RPF2: variants seen among roughly 807,000 people sequenced by gnomAD.
RPF2 encodes brix domain containing 1.
A neutral mutation model predicts 38.9 loss-of-function variants in RPF2; 21 were observed. That is an observed-to-expected ratio of 0.54 (90% CI 0.38 to 0.78). The LOEUF is 0.78. Ranked by LOEUF, RPF2 falls within the 30% of genes least tolerant of loss-of-function variation. The pLI, the probability that RPF2 is intolerant of heterozygous loss-of-function variation, is 0.00. For synonymous variants in RPF2, 121 were observed against 126.2 expected, an observed-to-expected ratio of 0.96 and a Z score of 0.28; for missense variants, 314 against 358.1, an observed-to-expected ratio of 0.88 and a Z score of 0.99.
chr6:111,022,370 C>T (rs1440687490), intron 8 of RPF2, among the ~76,000 whole-genome samples: 1 of 152,194 alleles, frequency 6.6e-6, no homozygotes, highest in Non-Finnish European at 1.5e-5. Context: ...TATCTACCAG[C>T]TTGAGCCCAT....
At chr6:111,016,727 G>A (rs1457533650) in intron 8 of RPF2, among the ~76,000 whole-genome samples, 6 of 123,660 alleles carry the variant, frequency 4.9e-5, no homozygotes, top group African/African-American at 1.3e-4. Flanking sequence ...GGTGTTTCTC[G>A]CAGAGGGGGA....
intron 5 of RPF2, among the ~76,000 whole-genome samples, chr6:110,998,574 G>A (rs1771759111): frequency 6.6e-6 from 1 of 152,080 alleles, no homozygotes; most frequent in Non-Finnish European, 1.5e-5. Flanking sequence ...CACCAAACTA[G>A]TTTACAGCTT....
chr6:110,982,477 C>A (rs527590216), intron 1 of RPF2: 13 of 330,314 alleles, frequency 3.9e-5, no homozygotes, highest in Admixed American at 3.8e-4. Context: ...CAGTCTGGCG[C>A]GTCCACTTAA....
intron 8 of RPF2, among the ~76,000 whole-genome samples, chr6:111,016,936 C>T (rs971422538): frequency 6.6e-6 from 1 of 151,924 alleles, no homozygotes; most frequent in African/African-American, 2.4e-5. Context: ...ACATCTTGCA[C>T]CGCCCTTAAT....
chr6:111,016,003 T>C (rs1372088354), intron 8 of RPF2, 147 bp downstream of exon 8: 2 of 637,604 alleles, frequency 3.1e-6, no homozygotes, highest in Admixed American at 2.6e-5. Context: ...AGCAGCTCTG[T>C]GCTGATCCTC....
chr6:110,994,237 T>C (rs1053344368), intron 4 of RPF2, among the ~76,000 whole-genome samples: 1 of 151,152 alleles, frequency 6.6e-6, no homozygotes, highest in South Asian at 2.1e-4. Context: ...ATTGTGGCAT[T>C]GCACTCCAGC....
At chr6:110,982,213 C>A in intron 1 of RPF2, 84 bp downstream of exon 1, 1 of 1,471,758 alleles carries the variant, frequency 6.8e-7, no homozygotes, top group Non-Finnish European at 9.5e-7. Context: ...GCCTCTCACT[C>A]TTCCTGGTTA....
chr6:111,013,537 A>G (rs753790754), intron 7 of RPF2, among the ~76,000 whole-genome samples: 3 of 152,242 alleles, frequency 2.0e-5, no homozygotes, highest in South Asian at 4.1e-4. Context: ...AAATCCTTTT[A>G]TATTCATAGT....
intron 4 of RPF2, among the ~76,000 whole-genome samples, chr6:110,996,346 T>C (rs1771710995): frequency 6.6e-6 from 1 of 151,878 alleles, no homozygotes; most frequent in African/African-American, 2.4e-5. Flanking sequence ...GCCTGGCTAA[T>C]TTTTTTATTT....
chr6:110,986,229 C>T (rs180835670), intron 2 of RPF2, among the ~76,000 whole-genome samples: 4 of 152,246 alleles, frequency 2.6e-5, no homozygotes, highest in East Asian at 1.9e-4. Flanking sequence ...CTGAAAGCTC[C>T]GTGTAATCAT....
chr6:110,994,270 C>T (rs1488795046), intron 4 of RPF2, among the ~76,000 whole-genome samples: 1 of 138,964 alleles, frequency 7.2e-6, no homozygotes, highest in Non-Finnish European at 1.5e-5. Flanking sequence ...AGTGAAACTC[C>T]ATCTCAATAA....
At chr6:110,992,514 G>C (rs1034773280) in intron 4 of RPF2, among the ~76,000 whole-genome samples, 1 of 150,218 alleles carries the variant, frequency 6.7e-6, no homozygotes, top group Non-Finnish European at 1.5e-5. Context: ...CTGAGCTCAA[G>C]CAATCCTCCT....
chr6:110,999,278 AT>A (rs1771772631), intron 5 of RPF2, among the ~76,000 whole-genome samples: 1 of 152,022 alleles, frequency 6.6e-6, no homozygotes, highest in African/African-American at 2.4e-5. Flanking sequence ...AGTTGTAGAT[AT>A]TTTTTTCATA....
In RPF2 at chr6:111,025,909, C is replaced by G. The variant is rs1312695432; in HGVS notation, c.*327C>G. On this transcript the variant is annotated 3_prime_UTR_variant, in exon 10 of 10. Transcript: ENST00000441448. ...AATTTCTGGCCTTAGCTAAAGAAAG[C>G]CACAGAAAGCCGGACCCGCAGGAGC... is the stretch of plus-strand genomic sequence containing the variant. The G allele has an allele frequency of 6.0e-6, 1 of 166,874 alleles. No individual in the cohort carries two copies. Among genetic ancestry groups the G allele is most frequent in the Non-Finnish European group, 1.3e-5 (1 of 77,576 alleles). The allele number at this position is 166,874 out of a possible 1,614,324, so 10.3% of individuals were successfully genotyped here. A position where few individuals can be genotyped will look rare whatever the true frequency, so the allele number is the denominator to read the frequency against.
intron 7 of RPF2, among the ~76,000 whole-genome samples, chr6:111,011,296 CTTTCTTTCTTTCTTTT>C (rs1444217628): frequency 7.0e-6 from 1 of 143,004 alleles, no homozygotes; most frequent in Non-Finnish European, 1.5e-5. Context: ...TTCTTTCTTT[CTTTCTTTCTTTCTTTT>C]TTTTTTTGAG....
chr6:110,987,381 C>T (rs1771542075), intron 2 of RPF2, among the ~76,000 whole-genome samples: 1 of 152,094 alleles, frequency 6.6e-6, no homozygotes, highest in South Asian at 2.1e-4. Flanking sequence ...TAAACTTGAC[C>T]AAACTCTATG....
chr6:110,995,492 A>G lies in RPF2; in HGVS notation c.235-1691A>G, dbSNP rs9386975. On this transcript the variant is annotated intron_variant, in intron 4 of 9. Transcript: ENST00000441448. Reference sequence around the variant, plus strand: ...TGTTTAGAGGCTAGAATGAATGATAACCAAACTAGGGGCCCATACCTTGGA... The same window carrying G: ...TGTTTAGAGGCTAGAATGAATGATAGCCAAACTAGGGGCCCATACCTTGGA... Among the ~76,000 whole-genome samples the G allele has an allele frequency of 4.7e-4, 71 of 152,222 alleles. 1 individual carries two copies. In the East Asian group the frequency reaches 0.013, roughly 29 times the overall value.
rs900159698 is a variant in RPF2, at chr6:111,024,375, T to G, written c.741+48T>G. ...CCACATTTATTTGTATTTTCTACTT[T>G]AATCCTTTTTCTTTCCAAAAAGAAT... On this transcript the variant is annotated intron_variant, in intron 9 of 9. Coordinates refer to ENST00000441448, the MANE Select transcript of RPF2 (RefSeq NM_032194.3). The G allele has an allele frequency of 3.9e-6, 6 of 1,526,806 alleles. No homozygotes were observed. In the Admixed American group the frequency reaches 6.6e-5, roughly 17 times the overall value. The allele number at this position is 1,526,806 out of a possible 1,614,324, so 94.6% of individuals were successfully genotyped here. A position where few individuals can be genotyped will look rare whatever the true frequency, so the allele number is the denominator to read the frequency against.
intron 2 of RPF2, among the ~76,000 whole-genome samples, chr6:110,987,670 CA>C (rs1477432265): frequency 6.6e-6 from 1 of 152,220 alleles, no homozygotes; most frequent in Non-Finnish European, 1.5e-5. Flanking sequence ...CAAGAATCAT[CA>C]AAAGTTTTAG....
Sources: gnomAD v4.1 joint callset for allele counts (sites outside exome capture counted in the v4.1 genomes callset) on GRCh38, gnomAD v4.1.1 for gene constraint, MANE v1.5 for transcripts, NCBI Gene and HGNC (gene_info 2026-07-23, HGNC 2026-07-21) for gene names.